The following TTN variants were observed in gnomAD, a reference collection of about 807,000 sequenced individuals.
TTN encodes the protein titin.
A neutral mutation model predicts 3,223.0 loss-of-function variants in TTN; 1,525 were observed. The observed-to-expected ratio is 0.47, with a 90% CI of 0.45 to 0.49. The LOEUF (loss-of-function observed/expected upper bound fraction) is 0.49, where lower values mean the gene tolerates loss of function less well. TTN is among the 20% of genes least tolerant of loss of function. The probability of loss-of-function intolerance (pLI) is 0.00; values close to 1 mark genes in which losing one functional copy is unlikely to be tolerated. For missense variants in TTN, 40,786 were observed against 43,424.0 expected (o/e 0.94, Z 5.40); for synonymous variants, 14,094 against 15,161.0 (o/e 0.93, Z 5.17).
In TTN at chr2:178,728,719, T is replaced by A. The variant is rs1466667894; in HGVS notation, c.19207A>T (p.Thr6403Ser). The change falls in exon 66 of 363, where the codon ACC becomes TCC. Residue 6403 changes from threonine to serine, a missense_variant. Transcript: ENST00000589042. ...GTTCCAGCCACAACACATTCCAAGG[T>A]CATGGGATCTTTCTCCGTAACATCA... ...SVDVTEKDPM[T>S]LECVVAGTPE... is the part of the protein sequence containing the mutation. 1 of 1,611,458 alleles carries A rather than the reference T, an allele frequency of 6.2e-7. No individual in the cohort carries two copies. The highest frequency in any genetic ancestry group is 1.7e-5 in the Admixed American group (1 of 59,946).
chr2:178,637,928 T>C (rs893083222), intron 223 of TTN, among the ~76,000 whole-genome samples: 1 of 152,006 alleles, frequency 6.6e-6, no homozygotes, highest in African/African-American at 2.4e-5. Flanking sequence ...ATGAGTTTCT[T>C]TGAAGATTTC....
chr2:178,609,103 C>A, intron 273 of TTN, 105 bp downstream of exon 273: 2 of 1,337,620 alleles, frequency 1.5e-6, no homozygotes, highest in Non-Finnish European at 2.0e-6. Flanking sequence ...TTGAGGATAA[C>A]TTGCTGAAGC....
At chr2:178,757,490 G>T in intron 45 of TTN, 52 bp downstream of exon 45, 2 of 1,491,484 alleles carry the variant, frequency 1.3e-6, no homozygotes, top group African/African-American at 1.4e-5. Flanking sequence ...AGTAACAGTG[G>T]GACTGAGAGG....
At position 178,777,908 on chromosome 2, in the gene TTN, TTGCAGGTGACATCCG is replaced by T; in HGVS notation, c.4261_4275del (p.Ala1435_Pro1439del). Reference sequence around the variant, plus strand: ...GGGGACATCCGTGCAGGAGACATCCTTGCAGGTGACATCCGTGCAGGAGACATGCGTATAGGAGAC... The same window carrying T: ...GGGGACATCCGTGCAGGAGACATCCTTGCAGGAGACATGCGTATAGGAGAC... On this transcript the variant is annotated inframe_deletion, in exon 25 of 363. Transcript: ENST00000589042. 1 of 1,613,854 alleles carries T rather than the reference TTGCAGGTGACATCCG, an allele frequency of 6.2e-7. No homozygotes were observed. The highest frequency in any genetic ancestry group is 2.2e-5 in the East Asian group (1 of 44,844).
Position 178,620,738 on chromosome 2 carries a change from C to T in TTN, c.45872G>A (p.Ser15291Asn). The T allele has an allele frequency of 1.4e-5, 22 of 1,612,722 alleles. No homozygotes were observed. The highest frequency in any genetic ancestry group is 1.9e-5 in the Non-Finnish European group (22 of 1,179,104). The change falls in exon 247 of 363, where the codon AGT becomes AAT. Residue 15291 changes from serine to asparagine, a missense_variant. Transcript: ENST00000589042. ...ACCTTCTACTATTAGATTGGCTGCA[C>T]TTTTAACATTTTCACCTCTGTGATT... ...LTNHRGENVK[S>N]AANLIVEEED...
intron 356 of TTN, 141 bp from the exon 357 acceptor site, chr2:178,536,716 ATACTAAG>A: frequency 1.1e-6 from 1 of 876,262 alleles, no homozygotes; most frequent in South Asian, 2.3e-5. Flanking sequence ...TGGTTACTTT[ATACTAAG>A]ACATATCAAA....
chr2:178,572,693 G>C lies in TTN; in HGVS notation c.73439C>G (p.Ser24480Cys), dbSNP rs775608256. ...LDKASIESTS[S>C]YTLLIVGNVN... ...ATTTCCAACAATAAGCAGGGTGTAA[G>C]AGCTTGTGGATTCGATGCTAGCTTT... Residue 24480 changes from serine to cysteine, a missense_variant, in exon 326 of 363, where the codon TCT becomes TGT. By Grantham distance (112) the Ser-to-Cys change is moderately radical. Coordinates refer to ENST00000589042, the MANE Select transcript of TTN (RefSeq NM_001267550.2). 3.1e-6 allele frequency: 5 copies of C among 1,613,432 alleles called. No individual in the cohort carries two copies. In the East Asian group the frequency reaches 1.1e-4, roughly 36 times the overall value.
chr2:178,584,303 C>T lies in TTN; in HGVS notation c.65248G>A (p.Glu21750Lys). ...ACTGGCATTCTTGCAGTTACATATTCTGTGGGTTTGCTGGGTGGGCTGGAT... is the reference window on the plus strand; with the variant it reads ...ACTGGCATTCTTGCAGTTACATATTTTGTGGGTTTGCTGGGTGGGCTGGAT... ...AGSSPPSKPT[E>K]YVTARMPVDP... Residue 21750 changes from glutamate (E) to lysine (K), a missense_variant, in exon 311 of 363, where the codon GAA becomes AAA. By Grantham distance (56) the Glu-to-Lys change is moderately conservative. Coordinates refer to ENST00000589042, the MANE Select transcript of TTN (RefSeq NM_001267550.2). 2.5e-6 allele frequency: 4 copies of T among 1,591,308 alleles called. No individual in the cohort carries two copies. Among genetic ancestry groups the T allele is most frequent in the South Asian group, 1.1e-5 (1 of 88,138 alleles).
intron 213 of TTN, among the ~76,000 whole-genome samples, chr2:178,648,972 CA>C (rs2062466714): frequency 6.6e-6 from 1 of 152,084 alleles, no homozygotes; most frequent in African/African-American, 2.4e-5. Context: ...GGTCAACATT[CA>C]ACAAAATATG....
intron 294 of TTN, among the ~76,000 whole-genome samples, chr2:178,596,769 G>A (rs1276506831): frequency 6.6e-6 from 1 of 151,988 alleles, no homozygotes; most frequent in Non-Finnish European, 1.5e-5. Flanking sequence ...CATAAAAACT[G>A]TGGCTGGAGT....
chr2:178,691,668 A>C (rs915365432), intron 121 of TTN, among the ~76,000 whole-genome samples: 2 of 152,180 alleles, frequency 1.3e-5, no homozygotes, highest in Non-Finnish European at 2.9e-5. Flanking sequence ...ATTAAGAAAA[A>C]GTTACATTTA....
rs1263622304 is a variant in TTN at position 178,542,801 on chromosome 2, C to T, written c.97053G>A (p.Glu32351=). The T allele has an allele frequency of 6.2e-7, 1 of 1,613,658 alleles. No homozygotes were observed. The highest frequency in any genetic ancestry group is 8.5e-7 in the Non-Finnish European group (1 of 1,179,778). ...FFAGSKLRES[E]RVTVETHTKV... is the part of the protein sequence containing the mutation. Reference sequence around the variant, plus strand: ...TAGTGTGAGTTTCAACTGTGACACGCTCTGATTCTCTCAGTTTAGAACCAG... The same window carrying T: ...TAGTGTGAGTTTCAACTGTGACACGTTCTGATTCTCTCAGTTTAGAACCAG... The change falls in exon 348 of 363, where the codon GAG becomes GAA. Residue 32351 remains glutamate (E), a synonymous_variant. Transcript: ENST00000589042.
In TTN at chr2:178,692,119, G is replaced by T. The variant is rs781223705; in HGVS notation, c.31679-20C>A. 3.8e-5 allele frequency: 61 copies of T among 1,603,316 alleles called. No individual in the cohort carries two copies. Among genetic ancestry groups the T allele is most frequent in the Admixed American group, 8.4e-5 (5 of 59,792 alleles). ...CAGGAACTTTAAAGATACAATTGTT[G>T]AAATAATGTGGAATATTCTAGTCAC... On this transcript the variant is annotated intron_variant, in intron 120 of 362. Coordinates refer to ENST00000589042, the MANE Select transcript of TTN (RefSeq NM_001267550.2).
At chr2:178,628,142 G>GATA (rs2059315657) in intron 240 of TTN, among the ~76,000 whole-genome samples, 1 of 152,070 alleles carries the variant, frequency 6.6e-6, no homozygotes, top group Non-Finnish European at 1.5e-5. Context: ...TTACCTATCA[G>GATA]ATGACTGCTG....
chr2:178,663,963 G>A, intron 169 of TTN, 52 bp downstream of exon 169: 1 of 1,609,662 alleles, frequency 6.2e-7, no homozygotes, highest in Non-Finnish European at 8.5e-7. Flanking sequence ...AAAAAATATT[G>A]TCAAGAGCAG....
chr2:178,790,094 T>C lies in TTN; in HGVS notation c.1822A>G (p.Thr608Ala). 6.2e-7 allele frequency: 1 copy of C among 1,612,794 alleles called. No homozygotes were observed. The highest frequency in any genetic ancestry group is 8.5e-7 in the Non-Finnish European group (1 of 1,179,266). The change falls in exon 12 of 363, where the codon ACA (threonine) becomes GCA (alanine). Residue 608 changes from threonine (T) to alanine (A), a missense_variant. By Grantham distance (58) the Thr-to-Ala change is moderately conservative. Coordinates refer to ENST00000589042, the MANE Select transcript of TTN (RefSeq NM_001267550.2). ...GCAACTATGACTTTAGGTACAACTG[T>C]TTTCCTAGTTTCCTTCATTATCTGA... is the stretch of plus-strand genomic sequence containing the variant. ...YEKIMKETRK[T>A]VVPKVIVATP...
At chr2:178,558,871 AATG>A in intron 326 of TTN, 1 of 509,978 alleles carries the variant, frequency 2.0e-6, no homozygotes, top group Non-Finnish European at 3.4e-6. Context: ...GACCAGATTA[AATG>A]ATAAAATTTA....
chr2:178,570,940 A>G lies in TTN; in HGVS notation c.75192T>C (p.Thr25064=), dbSNP rs370480927. The G allele has an allele frequency of 1.2e-4, 188 of 1,613,522 alleles. 1 individual carries two copies. In the African/African-American group the frequency reaches 2.3e-3, roughly 19 times the overall value. Residue 25064 remains threonine, a synonymous_variant, in exon 326 of 363, where the codon ACT becomes ACC. Transcript: ENST00000589042. ...MKASFTNIID[T]HFEVTGLVED... ...CAACTAGGCCAGTTACTTCAAAATGAGTGTCAATAATATTTGTAAAACTGG... is the reference window on the plus strand; with the variant it reads ...CAACTAGGCCAGTTACTTCAAAATGGGTGTCAATAATATTTGTAAAACTGG...
At chr2:178,697,619 C>CTGAATGA (rs1388132450) in intron 112 of TTN, among the ~76,000 whole-genome samples, 1 of 152,162 alleles carries the variant, frequency 6.6e-6, no homozygotes, top group Non-Finnish European at 1.5e-5. Flanking sequence ...TCAGAAAAGT[C>CTGAATGA]TGAATGATGA....
Sources: gnomAD v4.1 joint callset for allele counts (sites outside exome capture counted in the v4.1 genomes callset) on GRCh38, gnomAD v4.1.1 for gene constraint, MANE v1.5 for transcripts, NCBI Gene and HGNC (gene_info 2026-07-23, HGNC 2026-07-21) for gene names.